CLVS2: variants seen among roughly 807,000 people sequenced by gnomAD.
The protein encoded by CLVS2 is clavesin-2.
A neutral mutation model predicts 29.0 loss-of-function variants in CLVS2; 19 were observed. That is an observed-to-expected ratio of 0.66 (90% confidence interval 0.46 to 0.96). CLVS2 has a LOEUF of 0.96. CLVS2 is among the 40% of genes least tolerant of loss of function. The probability of loss-of-function intolerance (pLI) is 0.00; values close to 1 mark genes in which losing one functional copy is unlikely to be tolerated. For synonymous variants in CLVS2, 161 were observed against 151.3 expected, an observed-to-expected ratio of 1.06 and a Z score of -0.47; for missense variants, 294 against 404.1, an observed-to-expected ratio of 0.73 and a Z score of 2.34.
At chr6:123,012,101 G>A (rs1774756899) in intron 3 of CLVS2, among the ~76,000 whole-genome samples, 1 of 151,882 alleles carries the variant, frequency 6.6e-6, no homozygotes, top group Non-Finnish European at 1.5e-5. Context: ...ACACACTGAT[G>A]TTTCTTCTCC....
intron 4 of CLVS2, among the ~76,000 whole-genome samples, chr6:123,053,416 A>G (rs1582663840): frequency 2.0e-5 from 3 of 152,264 alleles, no homozygotes; most frequent in African/African-American, 4.8e-5. Context: ...AGTATTTAGG[A>G]TGGTAGAAGA....
chr6:123,017,115 T>C lies in CLVS2; in HGVS notation c.564+5956T>C, dbSNP rs531864914. Among the ~76,000 whole-genome samples the C allele has an allele frequency of 1.5e-3, 224 of 147,568 alleles. 2 individuals are homozygous for C. The highest frequency in any genetic ancestry group is 4.4e-3 in the African/African-American group (173 of 39,682). ...GTGTGTGTGTGTGTGTGTGTGTGTG[T>C]GCGTAAGATGGTTAAGGGAGAGTGT... On this transcript the variant is annotated intron_variant, in intron 3 of 5. Coordinates refer to ENST00000275162, the MANE Select transcript of CLVS2 (RefSeq NM_001010852.4).
At chr6:123,009,716 T>C (rs761771680) in intron 2 of CLVS2, among the ~76,000 whole-genome samples, 5 of 152,010 alleles carry the variant, frequency 3.3e-5, no homozygotes, top group Non-Finnish European at 5.9e-5. Flanking sequence ...AAACTTAAAA[T>C]GCAAAGTGTA....
In CLVS2 at chr6:123,071,515, A is replaced by G. The variant is rs943379286; in HGVS notation, c.*7754A>G. ...ATAGCTCAGGGGAAAAGTCATTTTG[A>G]GATTAAAACTACATGGAATTGTTCT... On this transcript the variant is annotated 3_prime_UTR_variant, in exon 6 of 6. Transcript: ENST00000275162. 6.6e-6 allele frequency: 1 copy of G among 152,030 alleles called. No individual in the cohort carries two copies. The highest frequency in any genetic ancestry group is 1.5e-5 in the Non-Finnish European group (1 of 67,934). 9.4% of individuals were successfully genotyped at this position (152,030 alleles called of 1,614,324 possible). A position where few individuals can be genotyped will look rare whatever the true frequency, so the allele number is the denominator to read the frequency against.
chr6:123,060,894 C>T (rs1261620221), intron 5 of CLVS2, among the ~76,000 whole-genome samples: 1 of 152,190 alleles, frequency 6.6e-6, no homozygotes, highest in African/African-American at 2.4e-5. Flanking sequence ...TTCTTAAACA[C>T]TATGTATTGT....
intron 2 of CLVS2, among the ~76,000 whole-genome samples, chr6:123,002,535 G>A (rs914738166): frequency 2.7e-5 from 4 of 150,810 alleles, no homozygotes; most frequent in Non-Finnish European, 4.4e-5. Flanking sequence ...ACACAGATGG[G>A]CATTAATGCC....
chr6:123,055,829 G>C lies in CLVS2; in HGVS notation c.699G>C (p.Leu233=). 1 of 1,613,820 alleles carries C rather than the reference G, an allele frequency of 6.2e-7. No individual in the cohort carries two copies. The change falls in exon 5 of 6, where the codon CTG becomes CTC. Residue 233 remains leucine (L), a synonymous_variant. Coordinates refer to ENST00000275162, the MANE Select transcript of CLVS2 (RefSeq NM_001010852.4). ...RKRIFLHGNN[L]NSLHQLIHPE... ...AGATATTTTTGCATGGTAACAACCT[G>C]AACAGTCTACACCAACTAATTCATC... is the stretch of plus-strand genomic sequence containing the variant.
intron 3 of CLVS2, among the ~76,000 whole-genome samples, chr6:123,014,401 A>G (rs1050903018): frequency 9.2e-5 from 14 of 152,102 alleles, no homozygotes; most frequent in Non-Finnish European, 1.6e-4. Flanking sequence ...GTATAAAGAT[A>G]CATGAACCAT....
intron 3 of CLVS2, among the ~76,000 whole-genome samples, chr6:123,046,303 A>G (rs1216147439): frequency 1.3e-5 from 2 of 152,148 alleles, no homozygotes; most frequent in African/African-American, 4.8e-5. Flanking sequence ...ATATGTTTGC[A>G]TGTTCATGTT....
At position 123,043,101 on chromosome 6, in the gene CLVS2, T is replaced by A. The variant is rs113661402; in HGVS notation, c.565-5521T>A. Among the ~76,000 whole-genome samples the A allele has an allele frequency of 1.2e-3, 189 of 152,284 alleles. 1 individual carries two copies. Among genetic ancestry groups the A allele is most frequent in the African/African-American group, 4.3e-3 (178 of 41,564 alleles). On this transcript the variant is annotated intron_variant, in intron 3 of 5. Coordinates refer to ENST00000275162, the MANE Select transcript of CLVS2 (RefSeq NM_001010852.4). ...ACCAAATCACTTTCAGAAACAGTGA[T>A]ATTATATGTGTTGTACACCTCTGAG...
At chr6:123,051,485 G>C (rs945986839) in intron 4 of CLVS2, among the ~76,000 whole-genome samples, 1 of 152,120 alleles carries the variant, frequency 6.6e-6, no homozygotes, top group Non-Finnish European at 1.5e-5. Flanking sequence ...TGAAAAAGGG[G>C]TATCTTTGCA....
intron 3 of CLVS2, among the ~76,000 whole-genome samples, chr6:123,022,867 T>C (rs1332245242): frequency 6.6e-6 from 1 of 152,068 alleles, no homozygotes; most frequent in Non-Finnish European, 1.5e-5. Context: ...CTGCCTCACA[T>C]AGAACAATGA....
intron 5 of CLVS2, 28 bp downstream of exon 5, chr6:123,056,054 G>T (rs764027486): frequency 2.6e-6 from 4 of 1,521,580 alleles, no homozygotes; most frequent in Non-Finnish European, 3.6e-6. Context: ...TGGGGAGTGG[G>T]CTGGGCCAGG....
At chr6:123,034,134 A>C (rs1775117827) in intron 3 of CLVS2, among the ~76,000 whole-genome samples, 1 of 152,152 alleles carries the variant, frequency 6.6e-6, no homozygotes, top group Admixed American at 6.6e-5. Flanking sequence ...TGGTACAGGC[A>C]ATCGGGAAAA....
At chr6:123,018,965 G>C (rs530337687) in intron 3 of CLVS2, among the ~76,000 whole-genome samples, 1 of 152,178 alleles carries the variant, frequency 6.6e-6, no homozygotes, top group South Asian at 2.1e-4. Flanking sequence ...TGAAGTCTAA[G>C]TGATGGTGCT....
At chr6:123,036,594 C>A (rs1459510906) in intron 3 of CLVS2, among the ~76,000 whole-genome samples, 1 of 152,126 alleles carries the variant, frequency 6.6e-6, no homozygotes, top group East Asian at 1.9e-4. Flanking sequence ...GAAGTAGATC[C>A]TCTTAGATTA....
Position 123,067,276 on chromosome 6 carries a change from G to C in CLVS2, c.*3515G>C, listed in dbSNP as rs904727959. On this transcript the variant is annotated 3_prime_UTR_variant, in exon 6 of 6. Coordinates refer to ENST00000275162, the MANE Select transcript of CLVS2 (RefSeq NM_001010852.4). ...ATCAAGAAATTGGAGAGTTGTTTTA[G>C]ACATTGGGGAATATGTTTATGACTC... 1 of 151,650 alleles carries C rather than the reference G, an allele frequency of 6.6e-6. No homozygotes were observed. Among genetic ancestry groups the C allele is most frequent in the Non-Finnish European group, 1.5e-5 (1 of 67,720 alleles). The allele number at this position is 151,650 out of a possible 1,614,324, so 9.4% of individuals were successfully genotyped here.
intron 3 of CLVS2, among the ~76,000 whole-genome samples, chr6:123,012,907 G>T (rs1210426788): frequency 6.6e-6 from 1 of 151,798 alleles, no homozygotes; most frequent in Admixed American, 6.6e-5. Flanking sequence ...GCTCTTCCTG[G>T]GAATAGATTT....
In CLVS2 at chr6:123,029,032, A is replaced by G. The variant is rs561724409; in HGVS notation, c.564+17873A>G. 8.5e-5 allele frequency among the ~76,000 whole-genome samples: 13 copies of G among 152,288 alleles called. No individual in the cohort carries two copies. The South Asian group carries it at 1.7e-3, about 19-fold the overall frequency. ...AGAGACACACAAGAAAGTTTGCTTTATCTTTCTCTGTCTCTTCCACATGAG... is the reference window on the plus strand; with the variant it reads ...AGAGACACACAAGAAAGTTTGCTTTGTCTTTCTCTGTCTCTTCCACATGAG... On this transcript the variant is annotated intron_variant, in intron 3 of 5. Coordinates refer to ENST00000275162, the MANE Select transcript of CLVS2 (RefSeq NM_001010852.4).
Sources: allele counts gnomAD v4.1 joint callset (sites outside exome capture counted in the v4.1 genomes callset), GRCh38; gene constraint gnomAD v4.1.1; transcripts MANE v1.5; gene names NCBI Gene and HGNC (gene_info 2026-07-23, HGNC 2026-07-21).